SH3PXD2A: variants seen among roughly 807,000 people sequenced by gnomAD.
SH3PXD2A encodes the protein SH3 and PX domains 2A.
SH3PXD2A carries 32 observed loss-of-function variants against 115.2 expected under a neutral mutation model. The ratio of observed to expected loss-of-function variants is 0.28; its 90% CI spans 0.21 to 0.37. SH3PXD2A has a LOEUF of 0.37. SH3PXD2A is among the 10% of genes least tolerant of loss of function. The pLI, the probability that SH3PXD2A is intolerant of heterozygous loss-of-function variation, is 1.00. For synonymous variants in SH3PXD2A, 610 were observed against 629.1 expected (o/e 0.97, Z 0.45); for missense variants, 1,328 against 1,498.7 (o/e 0.89, Z 1.88).
rs760152926 is a variant in SH3PXD2A at position 103,603,804 on chromosome 10, C to T, written c.1429-15G>A. ...TTATCAATGACCTGGGGTACGAGTG[C>T]AGACAAGCCAGTGAGTTGGGAGGAT... On this transcript the variant is annotated splice_polypyrimidine_tract_variant and intron_variant, in intron 14 of 14. Transcript: ENST00000369774. 1 of 1,554,856 alleles carries T rather than the reference C, an allele frequency of 6.4e-7. No individual in the cohort carries two copies.
chr10:103,663,801 G>A (rs1238339867), intron 7 of SH3PXD2A, among the ~76,000 whole-genome samples: 1 of 152,236 alleles, frequency 6.6e-6, no homozygotes, highest in Non-Finnish European at 1.5e-5. Flanking sequence ...ACTGCCCCCC[G>A]GCAGTTTTCT....
At chr10:103,697,108 G>T (rs1439023164) in intron 5 of SH3PXD2A, among the ~76,000 whole-genome samples, 1 of 152,140 alleles carries the variant, frequency 6.6e-6, no homozygotes, top group Admixed American at 6.5e-5. Context: ...GGAGACGGAG[G>T]CCTCCAGTTC....
chr10:103,831,345 AG>A (rs1322053252), intron 1 of SH3PXD2A, among the ~76,000 whole-genome samples: 1 of 152,228 alleles, frequency 6.6e-6, no homozygotes, highest in Non-Finnish European at 1.5e-5. Context: ...GGTAGCCATT[AG>A]GGCTGTTCAC....
At chr10:103,663,360 C>A (rs533623347) in intron 7 of SH3PXD2A, among the ~76,000 whole-genome samples, 3 of 152,356 alleles carry the variant, frequency 2.0e-5, no homozygotes, top group South Asian at 4.1e-4. Flanking sequence ...CTACAGCAGG[C>A]AAGAGACGAC....
rs1471257080 is a variant in SH3PXD2A, at chr10:103,602,125, G to A, written c.3093C>T (p.Arg1031=). 6.3e-7 allele frequency: 1 copy of A among 1,585,042 alleles called. No individual in the cohort carries two copies. The highest frequency in any genetic ancestry group is 1.7e-5 in the Admixed American group (1 of 57,832). ...ARSAAAEAKG[R]LAERAASQGS... is the part of the protein sequence containing the mutation. ...CCTGGCTGGCAGCCCGTTCGGCCAG[G>A]CGGCCCTTGGCCTCGGCGGCAGCGG... Residue 1031 remains arginine, a synonymous_variant, in exon 15 of 15, where the codon CGC becomes CGT. Coordinates refer to ENST00000369774, the MANE Select transcript of SH3PXD2A (RefSeq NM_001394015.1).
chr10:103,792,052 C>T (rs768839037), intron 2 of SH3PXD2A, among the ~76,000 whole-genome samples: 1 of 152,086 alleles, frequency 6.6e-6, no homozygotes, highest in African/African-American at 2.4e-5. Context: ...TTGAAAGGGG[C>T]GCTGGAGCCC....
chr10:103,628,975 G>A (rs1046441349), intron 8 of SH3PXD2A, among the ~76,000 whole-genome samples: 3 of 152,216 alleles, frequency 2.0e-5, no homozygotes, highest in African/African-American at 7.2e-5. Flanking sequence ...AGACACTGTG[G>A]CACTGAGGGG....
At chr10:103,636,003 C>T (rs1384362975) in intron 8 of SH3PXD2A, among the ~76,000 whole-genome samples, 2 of 152,224 alleles carry the variant, frequency 1.3e-5, no homozygotes, top group Admixed American at 6.5e-5. Context: ...CAGGTCCTCC[C>T]TCTATCCAGG....
chr10:103,672,406 A>G (rs1246658643), intron 6 of SH3PXD2A, among the ~76,000 whole-genome samples: 2 of 152,286 alleles, frequency 1.3e-5, no homozygotes, highest in Non-Finnish European at 2.9e-5. Flanking sequence ...CCTTCCCAGC[A>G]GAAAACTGGT....
intron 2 of SH3PXD2A, among the ~76,000 whole-genome samples, chr10:103,790,884 G>A (rs1226381102): frequency 6.6e-6 from 1 of 152,208 alleles, no homozygotes; most frequent in African/African-American, 2.4e-5. Flanking sequence ...TTCCTGGTTG[G>A]AAAACTTATA....
chr10:103,602,739 C>G lies in SH3PXD2A; in HGVS notation c.2479G>C (p.Ala827Pro). Reference sequence around the variant, plus strand: ...TTGGTGGGACATGGGGGAGTGGTGGCTGGGAGGGTGATGAGGTCGGATGAG... The same window carrying G: ...TTGGTGGGACATGGGGGAGTGGTGGGTGGGAGGGTGATGAGGTCGGATGAG... ...RSSSDLITLP[A>P]TTPPCPTKKE... The change falls in exon 15 of 15, where the codon GCC becomes CCC. Residue 827 changes from alanine to proline, a missense_variant. Physicochemically the swap from Ala to Pro is conservative, Grantham distance 27. Coordinates refer to ENST00000369774, the MANE Select transcript of SH3PXD2A (RefSeq NM_001394015.1). 6.2e-7 allele frequency: 1 copy of G among 1,614,042 alleles called. No individual in the cohort carries two copies. Among genetic ancestry groups the G allele is most frequent in the East Asian group, 2.2e-5 (1 of 44,880 alleles).
At chr10:103,655,547 T>C (rs1380721025) in intron 8 of SH3PXD2A, among the ~76,000 whole-genome samples, 1 of 151,866 alleles carries the variant, frequency 6.6e-6, no homozygotes, top group African/African-American at 2.4e-5. Flanking sequence ...CCGAGGTAGG[T>C]GGATCATTTG....
chr10:103,751,335 C>A (rs1369330813), intron 3 of SH3PXD2A, among the ~76,000 whole-genome samples: 13 of 151,946 alleles, frequency 8.6e-5, no homozygotes, highest in Admixed American at 8.5e-4. Context: ...TGTTTCCTTG[C>A]TTAATAATTA....
chr10:103,693,175 T>C, intron 5 of SH3PXD2A, 119 bp from the exon 6 acceptor site: 1 of 568,378 alleles, frequency 1.8e-6, no homozygotes, highest in Non-Finnish European at 2.8e-6. Context: ...GCTCATGTGA[T>C]GCCCACGGCC....
chr10:103,680,607 G>A (rs1051520742), intron 6 of SH3PXD2A, among the ~76,000 whole-genome samples: 1 of 152,056 alleles, frequency 6.6e-6, no homozygotes, highest in African/African-American at 2.4e-5. Context: ...GGAAGCAAAG[G>A]GACTTTCTAA....
intron 6 of SH3PXD2A, among the ~76,000 whole-genome samples, chr10:103,683,180 C>G (rs537763755): frequency 6.6e-6 from 1 of 151,734 alleles, no homozygotes; most frequent in Non-Finnish European, 1.5e-5. Context: ...GGCAACAAAG[C>G]GAGACCCTGT....
Position 103,855,419 on chromosome 10 carries a change from C to G in SH3PXD2A, c.-153G>C, listed in dbSNP as rs1240761057. The G allele has an allele frequency of 1.6e-5, 7 of 441,234 alleles. No homozygotes were observed. The highest frequency in any genetic ancestry group is 1.3e-4 in the African/African-American group (6 of 46,964). The allele number at this position is 441,234 out of a possible 1,614,324, so 27.3% of individuals were successfully genotyped here. The stretch of plus-strand genomic sequence containing the variant: ...CCCGGACTCCCGGCGCCCACAGGTC[C>G]GGCCCAGGGACGGGGGAGGGTCCCG... On this transcript the variant is annotated 5_prime_UTR_variant, in exon 1 of 15. Coordinates refer to ENST00000369774, the MANE Select transcript of SH3PXD2A (RefSeq NM_001394015.1).
chr10:103,688,080 T>C (rs61000833), intron 6 of SH3PXD2A, among the ~76,000 whole-genome samples: 64,627 of 152,050 alleles, frequency 0.43, 13,887 homozygotes, highest in South Asian at 0.52. Flanking sequence ...CTCGACACCT[T>C]GCGCAGTGCT....
intron 7 of SH3PXD2A, chr10:103,661,912 C>T (rs879761180): frequency 1.3e-4 from 133 of 985,244 alleles, no homozygotes; most frequent in Non-Finnish European, 1.5e-4. Flanking sequence ...GCCCGCCCCC[C>T]GCCAACTTTT....
Sources: gnomAD v4.1 joint callset for allele counts (sites outside exome capture counted in the v4.1 genomes callset) on GRCh38, gnomAD v4.1.1 for gene constraint, MANE v1.5 for transcripts, NCBI Gene and HGNC (gene_info 2026-07-23, HGNC 2026-07-21) for gene names.